Variants in MAGI1 observed in about 807,000 individuals in gnomAD.
MAGI1 encodes membrane associated guanylate kinase, WW and PDZ domain containing 1.
Under a neutral mutation model 139.9 loss-of-function variants are expected in MAGI1, and 58 were observed. That is an observed-to-expected ratio of 0.41 (90% CI 0.34 to 0.52). The LOEUF is 0.52. Ranked by LOEUF, MAGI1 falls within the 20% of genes least tolerant of loss-of-function variation. The pLI is 0.12. For synonymous variants in MAGI1, 812 were observed against 737.9 expected (o/e 1.10, Z -1.63); for missense variants, 1,874 against 1,901.6 (o/e 0.99, Z 0.27).
chr3:65,408,584 G>T (rs574015113), intron 12 of MAGI1, among the ~76,000 whole-genome samples: 1 of 152,210 alleles, frequency 6.6e-6, no homozygotes, highest in African/African-American at 2.4e-5. Flanking sequence ...CAATCCAGTG[G>T]TTCTAAACAA....
At chr3:65,807,019 T>C (rs1000922306) in intron 1 of MAGI1, among the ~76,000 whole-genome samples, 30 of 152,342 alleles carry the variant, frequency 2.0e-4, no homozygotes, top group Non-Finnish European at 3.2e-4. Context: ...TCAGATGCTA[T>C]GCCAAGTACT....
At chr3:65,493,700 G>A in intron 2 of MAGI1, 69 bp from the exon 3 acceptor site, 1 of 1,585,458 alleles carries the variant, frequency 6.3e-7, no homozygotes, top group Middle Eastern at 1.7e-4. Context: ...ACATCCAGGT[G>A]TAATTAAAAT....
At chr3:65,453,574 G>T (rs1171056399) in intron 5 of MAGI1, among the ~76,000 whole-genome samples, 3 of 152,026 alleles carry the variant, frequency 2.0e-5, no homozygotes, top group African/African-American at 7.3e-5. Flanking sequence ...ATTACTGAAA[G>T]CTTAAAAAAT....
intron 1 of MAGI1, among the ~76,000 whole-genome samples, chr3:65,837,327 T>A (rs1046437572): frequency 6.6e-6 from 1 of 152,122 alleles, no homozygotes; most frequent in African/African-American, 2.4e-5. Flanking sequence ...CAGATGAGTA[T>A]CAACTTCAGC....
intron 14 of MAGI1, chr3:65,387,174 T>TTC (rs139764373): frequency 6.2e-7 from 1 of 1,606,966 alleles, no homozygotes; most frequent in Non-Finnish European, 8.5e-7. Context: ...TGGAATTGAT[T>TTC]TCTCTCTCTC....
intron 1 of MAGI1, among the ~76,000 whole-genome samples, chr3:65,946,346 T>G (rs2063545062): frequency 6.6e-6 from 1 of 152,248 alleles, no homozygotes. Flanking sequence ...ACCTCCCAAC[T>G]TGGTGCCAGT....
chr3:65,674,521 T>C (rs1457071618), intron 1 of MAGI1, among the ~76,000 whole-genome samples: 1 of 152,176 alleles, frequency 6.6e-6, no homozygotes, highest in Non-Finnish European at 1.5e-5. Flanking sequence ...TTCTTTCTCT[T>C]TTACTAACTA....
intron 2 of MAGI1, among the ~76,000 whole-genome samples, chr3:65,603,859 G>T (rs754781200): frequency 6.6e-6 from 1 of 152,102 alleles, no homozygotes; most frequent in African/African-American, 2.4e-5. Flanking sequence ...GGTAATGATG[G>T]GTCCTCACAT....
intron 18 of MAGI1, among the ~76,000 whole-genome samples, chr3:65,368,132 A>G (rs1023259626): frequency 6.6e-6 from 1 of 152,318 alleles, no homozygotes; most frequent in East Asian, 1.9e-4. Flanking sequence ...AAAGAGCTTT[A>G]TCCCAAAGCA....
chr3:65,577,779 T>C (rs2081238193), intron 2 of MAGI1, among the ~76,000 whole-genome samples: 1 of 152,178 alleles, frequency 6.6e-6, no homozygotes, highest in South Asian at 2.1e-4. Context: ...ACTTGGCTCA[T>C]CAAGGTGCTG....
intron 7 of MAGI1, 30 bp downstream of exon 7, chr3:65,447,992 A>G: frequency 6.2e-7 from 1 of 1,613,312 alleles, no homozygotes; most frequent in Non-Finnish European, 8.5e-7. Flanking sequence ...TGCACGTGTC[A>G]TGCAGCAGCA....
chr3:65,631,969 G>C (rs1370731639), intron 1 of MAGI1, among the ~76,000 whole-genome samples: 1 of 150,570 alleles, frequency 6.6e-6, no homozygotes, highest in Admixed American at 6.6e-5. Context: ...AGGTTGCAGT[G>C]AGCCAAGATC....
chr3:65,614,203 TC>T (rs1458790617), intron 2 of MAGI1, among the ~76,000 whole-genome samples: 2 of 152,118 alleles, frequency 1.3e-5, no homozygotes, highest in African/African-American at 4.8e-5. Context: ...AGGGCATGAG[TC>T]CAAGTGTACT....
chr3:65,482,475 C>T (rs138212396), intron 3 of MAGI1, among the ~76,000 whole-genome samples: 2 of 152,238 alleles, frequency 1.3e-5, no homozygotes, highest in African/African-American at 4.8e-5. Flanking sequence ...ACCAAATAAC[C>T]AAGTCTTCTA....
chr3:65,485,990 A>T (rs1951602931), intron 3 of MAGI1, among the ~76,000 whole-genome samples: 1 of 152,208 alleles, frequency 6.6e-6, no homozygotes, highest in Non-Finnish European at 1.5e-5. Flanking sequence ...CATTATCAAC[A>T]GAGAACATTC....
At chr3:65,618,391 A>AT (rs1182268080) in intron 2 of MAGI1, among the ~76,000 whole-genome samples, 2 of 152,150 alleles carry the variant, frequency 1.3e-5, no homozygotes, top group African/African-American at 2.4e-5. Flanking sequence ...TCATGTAATG[A>AT]TTTTTTTGAA....
At chr3:65,460,916 T>C (rs971602384) in intron 5 of MAGI1, among the ~76,000 whole-genome samples, 1 of 152,188 alleles carries the variant, frequency 6.6e-6, no homozygotes, top group Non-Finnish European at 1.5e-5. Flanking sequence ...ACATGGTATA[T>C]ATGTGCCACA....
chr3:65,873,657 C>G (rs1257020594), intron 1 of MAGI1: 1 of 152,110 alleles, frequency 6.6e-6, no homozygotes, highest in Non-Finnish European at 1.5e-5. Context: ...AGAGACTGGA[C>G]AGTAACAGTG....
chr3:65,586,929 GCA>G (rs1366884263), intron 2 of MAGI1, among the ~76,000 whole-genome samples: 2 of 152,132 alleles, frequency 1.3e-5, no homozygotes, highest in Admixed American at 6.5e-5. Context: ...AAAAGCTGAT[GCA>G]CAGTTTTTCT....
Sources: gnomAD v4.1 joint callset for allele counts (sites outside exome capture counted in the v4.1 genomes callset) on GRCh38, gnomAD v4.1.1 for gene constraint, MANE v1.5 for transcripts, NCBI Gene and HGNC (gene_info 2026-07-23, HGNC 2026-07-21) for gene names.